SULF1: variants seen among roughly 807,000 people sequenced by gnomAD.
The protein encoded by SULF1 is sulfatase 1, also known as extracellular sulfatase Sulf-1.
SULF1 carries 46 observed loss-of-function variants against 110.5 expected under a neutral mutation model. The observed-to-expected ratio is 0.42, with a 90% confidence interval of 0.33 to 0.53. The LOEUF is 0.53. Ranked by LOEUF, SULF1 falls within the 20% of genes least tolerant of loss-of-function variation. The pLI is 0.12. For synonymous variants in SULF1, 371 were observed against 387.1 expected (o/e 0.96, Z 0.49); for missense variants, 941 against 1,094.2 (o/e 0.86, Z 1.98).
intron 5 of SULF1, 148 bp from the exon 6 acceptor site, chr8:69,575,822 A>G (rs1805570926): frequency 3.1e-6 from 3 of 958,228 alleles, no homozygotes; most frequent in African/African-American, 1.7e-5. Context: ...ATTTTGTTGT[A>G]GAAATGAGAG....
In SULF1 at chr8:69,594,055, AT is replaced by A. The variant is rs372606566; in HGVS notation, c.734+4927del. On this transcript the variant is annotated intron_variant, in intron 8 of 22. Coordinates refer to ENST00000402687, the MANE Select transcript of SULF1 (RefSeq NM_001128205.2). ...TTAAAAATTTGTTGTTGTTATTCCA[AT>A]TTTTTTTTTTTTGAGATGGAGTTTC... Among the ~76,000 whole-genome samples, 451 of 145,362 alleles carry A rather than the reference AT, an allele frequency of 3.1e-3. 4 individuals carry two copies. The highest frequency in any genetic ancestry group is 5.7e-3 in the African/African-American group (228 of 39,836).
chr8:69,617,764 A>G (rs1809293989), intron 13 of SULF1, among the ~76,000 whole-genome samples: 1 of 152,118 alleles, frequency 6.6e-6, no homozygotes, highest in Non-Finnish European at 1.5e-5. Flanking sequence ...CTAACTGTGG[A>G]GACAGCACAA....
chr8:69,552,142 A>C (rs1320903689), intron 3 of SULF1, among the ~76,000 whole-genome samples: 1 of 152,200 alleles, frequency 6.6e-6, no homozygotes, highest in Non-Finnish European at 1.5e-5. Flanking sequence ...AAAATGCTGG[A>C]GTAATTAACA....
intron 22 of SULF1, among the ~76,000 whole-genome samples, chr8:69,644,232 A>C (rs956407436): frequency 6.6e-6 from 1 of 152,188 alleles, no homozygotes; most frequent in African/African-American, 2.4e-5. Flanking sequence ...CACTGTGGTC[A>C]TGGGGGTGGA....
intron 3 of SULF1, among the ~76,000 whole-genome samples, chr8:69,510,865 C>A (rs1174577682): frequency 6.6e-6 from 1 of 151,904 alleles, no homozygotes. Flanking sequence ...GATCCACCCA[C>A]CTCAGACTCC....
In SULF1 at chr8:69,531,740, G is replaced by A. The variant is rs576333223; in HGVS notation, c.-134+29772G>A. ...AGAAGTATTTTTTTATTCTGGAAAT[G>A]TTTTTTAAATGTAAGCACATTATAA... is the stretch of plus-strand genomic sequence containing the variant. On this transcript the variant is annotated intron_variant, in intron 3 of 22. Transcript: ENST00000402687. 2.6e-4 allele frequency among the ~76,000 whole-genome samples: 40 copies of A among 152,262 alleles called. No homozygotes were observed. In the South Asian group the frequency reaches 4.6e-3, roughly 17 times the overall value.
chr8:69,555,949 A>G (rs1445233255), intron 3 of SULF1, among the ~76,000 whole-genome samples: 1 of 152,234 alleles, frequency 6.6e-6, no homozygotes, highest in Non-Finnish European at 1.5e-5. Flanking sequence ...CAGATTATGT[A>G]CATCAGGAAA....
chr8:69,537,874 A>C (rs1183607390), intron 3 of SULF1, among the ~76,000 whole-genome samples: 1 of 152,222 alleles, frequency 6.6e-6, no homozygotes, highest in Admixed American at 6.5e-5. Flanking sequence ...CTGGAACTGA[A>C]ACAGAAGAAA....
chr8:69,470,963 G>A (rs558735318), intron 1 of SULF1, among the ~76,000 whole-genome samples: 1 of 152,156 alleles, frequency 6.6e-6, no homozygotes, highest in African/African-American at 2.4e-5. Context: ...TCATGTGCAC[G>A]GTTCCTTCTA....
At chr8:69,589,680 T>A (rs1290374995) in intron 8 of SULF1, among the ~76,000 whole-genome samples, 3 of 150,142 alleles carry the variant, frequency 2.0e-5, no homozygotes, top group Non-Finnish European at 3.0e-5. Flanking sequence ...TTTTTTTTTT[T>A]AAAGAGGCAG....
At chr8:69,657,548 A>G (rs904636730) in intron 22 of SULF1, among the ~76,000 whole-genome samples, 8 of 152,200 alleles carry the variant, frequency 5.3e-5, no homozygotes, top group South Asian at 2.1e-4. Flanking sequence ...TCTCTCTTCC[A>G]TACTGTTTTC....
At chr8:69,476,277 G>T (rs1443071778) in intron 1 of SULF1, among the ~76,000 whole-genome samples, 1 of 152,058 alleles carries the variant, frequency 6.6e-6, no homozygotes, top group Non-Finnish European at 1.5e-5. Context: ...CCATTCCCCT[G>T]CTTTTCTTTC....
At chr8:69,522,735 C>T (rs748526577) in intron 3 of SULF1, among the ~76,000 whole-genome samples, 1 of 151,948 alleles carries the variant, frequency 6.6e-6, no homozygotes, top group Non-Finnish European at 1.5e-5. Context: ...CCTTGGAAGC[C>T]GAATGAAGAC....
intron 6 of SULF1, among the ~76,000 whole-genome samples, chr8:69,586,028 T>C (rs538080378): frequency 3.3e-5 from 5 of 152,342 alleles, no homozygotes; most frequent in African/African-American, 9.6e-5. Context: ...TCTCTGATTG[T>C]TCCATCAACT....
intron 3 of SULF1, among the ~76,000 whole-genome samples, chr8:69,550,305 C>G (rs189709539): frequency 6.6e-6 from 1 of 151,990 alleles, no homozygotes; most frequent in Non-Finnish European, 1.5e-5. Context: ...GAAAATAGTT[C>G]CTACTTCATT....
chr8:69,634,563 G>T (rs1012640316), intron 19 of SULF1, among the ~76,000 whole-genome samples: 6 of 152,110 alleles, frequency 3.9e-5, no homozygotes, highest in Non-Finnish European at 5.9e-5. Flanking sequence ...GAGCCCAGGA[G>T]TTCAAGACCA....
intron 3 of SULF1, among the ~76,000 whole-genome samples, chr8:69,553,212 C>T (rs190531773): frequency 6.6e-6 from 1 of 152,346 alleles, no homozygotes; most frequent in Non-Finnish European, 1.5e-5. Flanking sequence ...CATGCCAGAG[C>T]ATCATTTTTG....
intron 1 of SULF1, among the ~76,000 whole-genome samples, chr8:69,484,825 C>CTCTTCT (rs72313235): frequency 0.072 from 10,707 of 148,864 alleles, 482 homozygotes; most frequent in South Asian, 0.16. Flanking sequence ...TTTCATCTTC[C>CTCTTCT]TCTTCTTCTT....
chr8:69,588,726 A>G (rs113290591), intron 7 of SULF1, among the ~76,000 whole-genome samples: 206 of 152,226 alleles, frequency 1.4e-3, no homozygotes, highest in African/African-American at 4.7e-3. Flanking sequence ...CCCCATTGCT[A>G]AGTTGTGTAT....
Sources: allele counts gnomAD v4.1 joint callset (sites outside exome capture counted in the v4.1 genomes callset), GRCh38; gene constraint gnomAD v4.1.1; transcripts MANE v1.5; gene names NCBI Gene and HGNC (gene_info 2026-07-23, HGNC 2026-07-21).